The following PTPRD variants were observed in gnomAD, a reference collection of about 807,000 sequenced individuals.
PTPRD encodes receptor-type tyrosine-protein phosphatase delta.
PTPRD carries 34 observed loss-of-function variants against 214.5 expected under a neutral mutation model. That is an observed-to-expected ratio of 0.16 (90% CI 0.12 to 0.21). PTPRD has a LOEUF of 0.21. Ranked by LOEUF, PTPRD falls within the 10% of genes least tolerant of loss-of-function variation. The probability of loss-of-function intolerance (pLI) is 1.00; values close to 1 mark genes in which losing one functional copy is unlikely to be tolerated. For missense variants in PTPRD, 2,545 were observed against 2,398.7 expected (o/e 1.06, Z -1.27); for synonymous variants, 1,128 against 845.7 (o/e 1.33, Z -5.79).
At chr9:8,532,428 C>G (rs2075947921) in intron 14 of PTPRD, among the ~76,000 whole-genome samples, 2 of 151,994 alleles carry the variant, frequency 1.3e-5, no homozygotes, top group African/African-American at 4.8e-5. Context: ...GACGGCTCCT[C>G]AAATGTGTGG....
At chr9:8,883,710 C>G (rs1302113407) in intron 11 of PTPRD, among the ~76,000 whole-genome samples, 3 of 152,154 alleles carry the variant, frequency 2.0e-5, no homozygotes, top group Non-Finnish European at 4.4e-5. Flanking sequence ...TGAGGACTTT[C>G]TTTTATACAG....
At chr9:10,102,076 A>AT (rs1483742225) in intron 3 of PTPRD, among the ~76,000 whole-genome samples, 1 of 151,762 alleles carries the variant, frequency 6.6e-6, no homozygotes, top group African/African-American at 2.4e-5. Context: ...ATTTTTACCC[A>AT]TTTTGTTTTA....
chr9:10,374,435 C>T (rs2097689104), intron 2 of PTPRD, among the ~76,000 whole-genome samples: 1 of 152,000 alleles, frequency 6.6e-6, no homozygotes, highest in Non-Finnish European at 1.5e-5. Flanking sequence ...CAGGGAAAGG[C>T]TAATGCAAAA....
intron 3 of PTPRD, among the ~76,000 whole-genome samples, chr9:10,046,684 T>C (rs960650103): frequency 4.6e-5 from 7 of 151,978 alleles, no homozygotes; most frequent in African/African-American, 1.7e-4. Flanking sequence ...ATGGACCACT[T>C]ACTTGAAATG....
chr9:8,529,787 G>C (rs191802785), intron 14 of PTPRD, among the ~76,000 whole-genome samples: 1 of 152,224 alleles, frequency 6.6e-6, no homozygotes, highest in Admixed American at 6.5e-5. Context: ...TTTGTTTGAA[G>C]ATCATGAATT....
chr9:9,631,762 G>C (rs1593571018), intron 7 of PTPRD, among the ~76,000 whole-genome samples: 1 of 152,220 alleles, frequency 6.6e-6, no homozygotes, highest in East Asian at 1.9e-4. Flanking sequence ...AATTAGTAGG[G>C]AGCGTTATCC....
intron 5 of PTPRD, among the ~76,000 whole-genome samples, chr9:9,817,467 TA>T (rs1192373438): frequency 6.6e-6 from 1 of 152,190 alleles, no homozygotes; most frequent in East Asian, 1.9e-4. Flanking sequence ...CCACTTTGAC[TA>T]ACTACTCAAA....
chr9:9,761,944 G>C (rs535829608), intron 6 of PTPRD, among the ~76,000 whole-genome samples: 16 of 152,172 alleles, frequency 1.1e-4, no homozygotes, highest in Non-Finnish European at 2.4e-4. Flanking sequence ...GTCTGCTTGG[G>C]CTGGCTTAAC....
intron 3 of PTPRD, among the ~76,000 whole-genome samples, chr9:10,289,610 A>T (rs975692341): frequency 2.6e-5 from 4 of 152,172 alleles, no homozygotes; most frequent in African/African-American, 9.7e-5. Context: ...ATTAGGAAAA[A>T]GAAGAGAAAA....
At chr9:9,167,572 T>C (rs2099906663) in intron 10 of PTPRD, among the ~76,000 whole-genome samples, 1 of 151,916 alleles carries the variant, frequency 6.6e-6, no homozygotes, top group Non-Finnish European at 1.5e-5. Context: ...CTGATCAACA[T>C]GGAGAAACTC....
Position 9,604,605 on chromosome 9 carries a change from G to A in PTPRD, c.-286-29824C>T, listed in dbSNP as rs150864940. On this transcript the variant is annotated intron_variant, in intron 7 of 45. Transcript: ENST00000381196. ...TTCTTTGAACTTGAAATTTTGCTGTGGTCCAGTCCAAAACTACCATTACTA... is the reference window on the plus strand; with the variant it reads ...TTCTTTGAACTTGAAATTTTGCTGTAGTCCAGTCCAAAACTACCATTACTA... 5.9e-5 allele frequency among the ~76,000 whole-genome samples: 9 copies of A among 151,956 alleles called. 1 individual carries two copies. Among genetic ancestry groups the A allele is most frequent in the Admixed American group, 1.3e-4 (2 of 15,254 alleles).
At chr9:8,511,588 G>A (rs969761812) in intron 21 of PTPRD, among the ~76,000 whole-genome samples, 6 of 151,762 alleles carry the variant, frequency 4.0e-5, no homozygotes, top group Non-Finnish European at 7.4e-5. Flanking sequence ...AAAATCATGG[G>A]CAAATAAAAA....
intron 5 of PTPRD, among the ~76,000 whole-genome samples, chr9:9,864,265 C>T (rs1483655296): frequency 1.3e-5 from 2 of 151,922 alleles, no homozygotes; most frequent in Non-Finnish European, 2.9e-5. Context: ...GAGATCGCGC[C>T]TCTGCACTCC....
intron 8 of PTPRD, among the ~76,000 whole-genome samples, chr9:9,419,246 A>G (rs1185546358): frequency 1.8e-5 from 2 of 109,382 alleles, no homozygotes; most frequent in African/African-American, 6.9e-5. Flanking sequence ...GAAAATGAAG[A>G]CAGTCTCATT....
chr9:10,118,230 A>C (rs1414895789), intron 3 of PTPRD, among the ~76,000 whole-genome samples: 1 of 151,450 alleles, frequency 6.6e-6, no homozygotes, highest in Non-Finnish European at 1.5e-5. Flanking sequence ...CTATCTATCT[A>C]TCTACATATA....
intron 10 of PTPRD, among the ~76,000 whole-genome samples, chr9:9,176,944 T>A (rs2131247519): frequency 6.6e-6 from 1 of 152,264 alleles, no homozygotes; most frequent in South Asian, 2.1e-4. Flanking sequence ...ATGGTCAAAA[T>A]ATGTCCTATG....
intron 7 of PTPRD, among the ~76,000 whole-genome samples, chr9:9,627,222 G>A (rs778450587): frequency 4.6e-5 from 7 of 152,152 alleles, no homozygotes; most frequent in Non-Finnish European, 1.0e-4. Flanking sequence ...CAGGAGAATC[G>A]CTTGAATCTG....
chr9:8,461,196 T>A (rs1350473633), intron 32 of PTPRD, among the ~76,000 whole-genome samples: 1 of 152,094 alleles, frequency 6.6e-6, no homozygotes. Flanking sequence ...ATTCCACAGT[T>A]CAAATTACAG....
chr9:9,777,663 C>G (rs1407794814), intron 5 of PTPRD, among the ~76,000 whole-genome samples: 1 of 152,068 alleles, frequency 6.6e-6, no homozygotes, highest in Non-Finnish European at 1.5e-5. Context: ...CATCACTGCA[C>G]TGTAGTGTGC....
Sources: allele counts gnomAD v4.1 joint callset (sites outside exome capture counted in the v4.1 genomes callset), GRCh38; gene constraint gnomAD v4.1.1; transcripts MANE v1.5; gene names NCBI Gene and HGNC (gene_info 2026-07-23, HGNC 2026-07-21).